GRHL2: variants seen among roughly 807,000 people sequenced by gnomAD.
The protein encoded by GRHL2 is grainyhead-like protein 2 homolog.
GRHL2 carries 21 observed loss-of-function variants against 83.8 expected under a neutral mutation model. That is an observed-to-expected ratio of 0.25 (90% CI 0.18 to 0.36). The LOEUF is 0.36. Ranked by LOEUF, GRHL2 falls within the 10% of genes least tolerant of loss-of-function variation. GRHL2 has a pLI of 1.00. For missense variants in GRHL2, 623 were observed against 781.8 expected (o/e 0.80, Z 2.42); for synonymous variants, 280 against 278.9 (o/e 1.00, Z -0.04).
chr8:101,615,704 A>G (rs1812840366), intron 8 of GRHL2, among the ~76,000 whole-genome samples: 1 of 151,958 alleles, frequency 6.6e-6, no homozygotes, highest in African/African-American at 2.4e-5. Context: ...TTTTTAACCT[A>G]AAGTTTAGTG....
At chr8:101,518,774 TAA>T (rs147515304) in intron 1 of GRHL2, among the ~76,000 whole-genome samples, 335 of 152,360 alleles carry the variant, frequency 2.2e-3, no homozygotes, top group Non-Finnish European at 4.0e-3. Flanking sequence ...CCATCTCTGC[TAA>T]AGTCTGAAAG....
chr8:101,671,454 TGCTGGGGGAGGGGCACCTGCAA>T (rs566327339), downstream of GRHL2, among the ~76,000 whole-genome samples: 3,653 of 152,088 alleles, frequency 0.024, 143 homozygotes, highest in African/African-American at 0.082. Context: ...GCGGCAGCGA[TGCTGGGGGAGGGGCACCTGCAA>T]GCTGGGGGAG....
At position 101,667,316 on chromosome 8, in the gene GRHL2, G is replaced by C. The variant is rs1038199871; in HGVS notation, c.*613G>C. On this transcript the variant is annotated 3_prime_UTR_variant, in exon 16 of 16. Transcript: ENST00000646743. Reference sequence around the variant, plus strand: ...CAGTCACCGTGTAATTAGTAACACAGAAAGTCTGCCTGTCTGCATTGTACA... The same window carrying C: ...CAGTCACCGTGTAATTAGTAACACACAAAGTCTGCCTGTCTGCATTGTACA... 2.9e-5 allele frequency: 5 copies of C among 172,046 alleles called. No individual in the cohort carries two copies. The highest frequency in any genetic ancestry group is 1.2e-4 in the African/African-American group (5 of 42,228). 10.7% of individuals were successfully genotyped at this position (172,046 alleles called of 1,614,324 possible). A position where few individuals can be genotyped will look rare whatever the true frequency, so the allele number is the denominator to read the frequency against.
chr8:101,507,509 T>C (rs1439562282), intron 1 of GRHL2, among the ~76,000 whole-genome samples: 1 of 152,160 alleles, frequency 6.6e-6, no homozygotes, highest in Non-Finnish European at 1.5e-5. Context: ...CAATTTGAAA[T>C]CTATATTTTT....
At chr8:101,522,094 G>T (rs80079225) in intron 1 of GRHL2, among the ~76,000 whole-genome samples, 3 of 152,202 alleles carry the variant, frequency 2.0e-5, no homozygotes, top group Non-Finnish European at 4.4e-5. Context: ...AAGCACTAAA[G>T]ATTTTTTTTA....
At chr8:101,662,946 G>A (rs544650014) in intron 14 of GRHL2, among the ~76,000 whole-genome samples, 107 of 151,868 alleles carry the variant, frequency 7.0e-4, no homozygotes, top group African/African-American at 2.3e-3. Context: ...TCCTCAATAT[G>A]TTAAGAATAT....
At chr8:101,666,550 G>T in intron 15 of GRHL2, 39 bp from the exon 16 acceptor site, 5 of 1,208,386 alleles carry the variant, frequency 4.1e-6, no homozygotes, top group Non-Finnish European at 6.2e-6. Flanking sequence ...ATTGTTCACG[G>T]CGTCTTTGTT....
intron 1 of GRHL2, among the ~76,000 whole-genome samples, chr8:101,541,675 A>G (rs11776316): frequency 0.43 from 65,223 of 151,798 alleles, 16,218 homozygotes; most frequent in Non-Finnish European, 0.55. Context: ...TTCCATTTCA[A>G]TGAACAAGCA....
chr8:101,636,689 A>T, intron 11 of GRHL2: 1 of 582,632 alleles, frequency 1.7e-6, no homozygotes, highest in Non-Finnish European at 3.1e-6. Context: ...CCCCATGGAG[A>T]TTATAAGGAA....
At chr8:101,681,032 C>T in the GRHL2 span, among the ~76,000 whole-genome samples, 34 of 123,026 alleles carry the variant, frequency 2.8e-4, 1 homozygote, top group Admixed American at 1.5e-3. Flanking sequence ...AAAGCAAAAG[C>T]AAACACATTC....
In GRHL2 at chr8:101,632,276, A is replaced by G; in HGVS notation, c.1396A>G (p.Thr466Ala). 3.1e-6 allele frequency: 5 copies of G among 1,613,928 alleles called. No individual in the cohort carries two copies. The highest frequency in any genetic ancestry group is 4.2e-6 in the Non-Finnish European group (5 of 1,179,868). Residue 466 changes from threonine (T) to alanine (A), a missense_variant, in exon 11 of 16, where the codon ACC becomes GCC. Physicochemically the swap from Thr to Ala is moderately conservative, Grantham distance 58. This residue lies in a region of GRHL2 where 210 missense variants were observed against 254.8 expected (regional missense o/e 0.82). Transcript: ENST00000646743. ...ACCTTTACAGAAGAAGAGTGACATCACCTACTTCAAAACCATGCCTGATCT... is the reference window on the plus strand; with the variant it reads ...ACCTTTACAGAAGAAGAGTGACATCGCCTACTTCAAAACCATGCCTGATCT... ...AIPLQKKSDI[T>A]YFKTMPDLHS...
intron 4 of GRHL2, among the ~76,000 whole-genome samples, chr8:101,564,894 A>G (rs577689845): frequency 6.6e-6 from 1 of 152,068 alleles, no homozygotes; most frequent in African/African-American, 2.4e-5. Context: ...TCTTTGTAAT[A>G]ACATTTGGCA....
chr8:101,674,551 T>C (rs953062647), downstream of GRHL2, among the ~76,000 whole-genome samples: 2 of 152,098 alleles, frequency 1.3e-5, no homozygotes, highest in Non-Finnish European at 2.9e-5. Context: ...GGCTCTGAAA[T>C]TGAGGCAGTA....
intron 14 of GRHL2, among the ~76,000 whole-genome samples, chr8:101,652,356 GTGGTGTGTGTGTGTCTGA>G (rs1813651325): frequency 3.6e-5 from 3 of 83,016 alleles, no homozygotes; most frequent in East Asian, 6.4e-4. Context: ...TGTGGTGTGT[GTGGTGTGTGTGTGTCTGA>G]TGTGTGTGTG....
At chr8:101,587,513 A>G (rs1309386035) in intron 7 of GRHL2, among the ~76,000 whole-genome samples, 1 of 152,212 alleles carries the variant, frequency 6.6e-6, no homozygotes, top group African/African-American at 2.4e-5. Context: ...TTTTAAATAC[A>G]CATTTACTGG....
chr8:101,658,320 A>T (rs928909951), intron 14 of GRHL2, among the ~76,000 whole-genome samples: 1 of 152,190 alleles, frequency 6.6e-6, no homozygotes, highest in African/African-American at 2.4e-5. Context: ...GAGAATCTAA[A>T]GCCATCTGCC....
At chr8:101,620,342 C>A (rs550459913) in intron 9 of GRHL2, among the ~76,000 whole-genome samples, 2 of 152,110 alleles carry the variant, frequency 1.3e-5, no homozygotes, top group East Asian at 3.9e-4. Flanking sequence ...TAAGTTTGAT[C>A]CAATTAGATA....
chr8:101,610,853 G>A (rs1415194144), intron 8 of GRHL2, among the ~76,000 whole-genome samples: 1 of 150,920 alleles, frequency 6.6e-6, no homozygotes, highest in Non-Finnish European at 1.5e-5. Flanking sequence ...AGGGTTGGTG[G>A]AAGGAAAAGC....
chr8:101,542,321 A>G (rs936829736), intron 1 of GRHL2, among the ~76,000 whole-genome samples: 7 of 152,152 alleles, frequency 4.6e-5, no homozygotes, highest in African/African-American at 1.2e-4. Context: ...CATGCCTGTA[A>G]TCCTTGCACT....
Sources: allele counts gnomAD v4.1 joint callset (sites outside exome capture counted in the v4.1 genomes callset), GRCh38; gene constraint gnomAD v4.1.1; regional missense constraint gnomAD v4.1.1; transcripts MANE v1.5; gene names NCBI Gene and HGNC (gene_info 2026-07-23, HGNC 2026-07-21).